Variants in ALOX5 observed in about 807,000 individuals in gnomAD.
ALOX5 encodes the protein arachidonate 5-lipoxygenase.
A neutral mutation model predicts 87.9 loss-of-function variants in ALOX5; 64 were observed. That is an observed-to-expected ratio of 0.73 (90% CI 0.60 to 0.90). The LOEUF (loss-of-function observed/expected upper bound fraction) is 0.90, where lower values mean the gene tolerates loss of function less well. Ranked by LOEUF, ALOX5 falls within the 40% of genes least tolerant of loss-of-function variation. The probability of loss-of-function intolerance (pLI) is 0.00; values close to 1 mark genes in which losing one functional copy is unlikely to be tolerated. For missense variants in ALOX5, 822 were observed against 907.5 expected, an observed-to-expected ratio of 0.91 and a Z score of 1.21; for synonymous variants, 388 against 355.1, an observed-to-expected ratio of 1.09 and a Z score of -1.04.
intron 2 of ALOX5, among the ~76,000 whole-genome samples, chr10:45,392,073 G>A (rs1284565242): frequency 1.7e-4 from 25 of 151,158 alleles, no homozygotes; most frequent in South Asian, 1.0e-3. Flanking sequence ...CGCCCCGTCC[G>A]AGAGGGAGGT....
chr10:45,396,793 T>C (rs1237106681), intron 3 of ALOX5, among the ~76,000 whole-genome samples: 3 of 152,096 alleles, frequency 2.0e-5, no homozygotes, highest in Non-Finnish European at 4.4e-5. Flanking sequence ...CTTAGCAATA[T>C]AGATATAAAC....
chr10:45,376,704 C>G (rs1414104109), intron 1 of ALOX5, among the ~76,000 whole-genome samples: 1 of 152,208 alleles, frequency 6.6e-6, no homozygotes, highest in Non-Finnish European at 1.5e-5. Context: ...CCCCCCTCCT[C>G]CAGGGCATAG....
chr10:45,386,477 A>G (rs1160863761), intron 2 of ALOX5, among the ~76,000 whole-genome samples: 1 of 151,880 alleles, frequency 6.6e-6, no homozygotes, highest in Non-Finnish European at 1.5e-5. Flanking sequence ...TAAAAAAAAT[A>G]AAAATAAAAT....
chr10:45,393,406 A>C (rs1467699648), intron 2 of ALOX5, among the ~76,000 whole-genome samples: 3 of 150,972 alleles, frequency 2.0e-5, no homozygotes, highest in Non-Finnish European at 2.9e-5. Flanking sequence ...TTCAACAACC[A>C]TTCATGCTAA....
intron 2 of ALOX5, among the ~76,000 whole-genome samples, chr10:45,395,056 C>A (rs1840447054): frequency 6.6e-6 from 1 of 152,206 alleles, no homozygotes; most frequent in Non-Finnish European, 1.5e-5. Flanking sequence ...GGCAATTCCT[C>A]AGGGATCTAG....
chr10:45,424,181 G>A (rs201548620), intron 5 of ALOX5, 34 bp downstream of exon 5: 1 of 1,537,072 alleles, frequency 6.5e-7, no homozygotes, highest in African/African-American at 1.4e-5. Context: ...AGTGGTGCTG[G>A]GGACAGGGGA....
intron 4 of ALOX5, among the ~76,000 whole-genome samples, chr10:45,419,552 C>T (rs1841428214): frequency 6.6e-6 from 1 of 152,224 alleles, no homozygotes; most frequent in Non-Finnish European, 1.5e-5. Context: ...CTCCAGACGA[C>T]CCAGCTACAT....
At chr10:45,394,434 C>T (rs139151571) in intron 2 of ALOX5, among the ~76,000 whole-genome samples, 3,407 of 152,286 alleles carry the variant, frequency 0.022, 123 homozygotes, top group African/African-American at 0.078. Flanking sequence ...CCCTTCCTTA[C>T]ACCTTATACA....
Position 45,374,286 on chromosome 10 carries a change from T to G in ALOX5, c.7T>G (p.Ser3Ala). 1 of 1,510,296 alleles carries G rather than the reference T, an allele frequency of 6.6e-7. No homozygotes were observed. Among genetic ancestry groups the G allele is most frequent in the South Asian group, 1.2e-5 (1 of 80,796 alleles). The allele number at this position is 1,510,296 out of a possible 1,614,324, so 93.6% of individuals were successfully genotyped here. MP[S>A]YTVTVATGSQ... ...TGCTCCCGCGGCCCGCGCCATGCCCTCCTACACGGTCACCGTGGCCACTGG... is the reference window on the plus strand; with the variant it reads ...TGCTCCCGCGGCCCGCGCCATGCCCGCCTACACGGTCACCGTGGCCACTGG... Residue 3 changes from serine to alanine, a missense_variant, in exon 1 of 14, where the codon TCC (serine) becomes GCC (alanine). Transcript: ENST00000374391.
chr10:45,391,039 C>G (rs1195887936), intron 2 of ALOX5, among the ~76,000 whole-genome samples: 4 of 109,374 alleles, frequency 3.7e-5, no homozygotes, highest in Admixed American at 2.6e-4. Context: ...TCCCCTCTCC[C>G]ATCTCCCCTC....
At chr10:45,390,871 A>G (rs1251003582) in intron 2 of ALOX5, among the ~76,000 whole-genome samples, 1 of 152,206 alleles carries the variant, frequency 6.6e-6, no homozygotes, top group Admixed American at 6.5e-5. Flanking sequence ...TAGAGACACA[A>G]AAATCCCTTC....
At chr10:45,443,940 C>A (rs1842341323) in intron 12 of ALOX5, 112 bp downstream of exon 12, 2 of 1,444,606 alleles carry the variant, frequency 1.4e-6, no homozygotes, top group African/African-American at 1.4e-5. Context: ...GGGCCTGGCA[C>A]GGGACTTGCA....
chr10:45,445,493 T>C lies in ALOX5; in HGVS notation c.1846-15T>C, dbSNP rs373484460. ...GTGGATTGACCTATGTGTGTGTCCA[T>C]GTCTGGGCCCTCAGCTGTTCCTGGG... is the stretch of plus-strand genomic sequence containing the variant. On this transcript the variant is annotated splice_polypyrimidine_tract_variant and intron_variant, in intron 13 of 13. Transcript: ENST00000374391. The C allele has an allele frequency of 3.8e-5, 62 of 1,610,536 alleles. No homozygotes were observed. Among genetic ancestry groups the C allele is most frequent in the Non-Finnish European group, 4.9e-5 (58 of 1,177,234 alleles).
chr10:45,408,912 GTCGAATGAACACCTTC>G (rs1564428321), intron 3 of ALOX5, among the ~76,000 whole-genome samples: 3 of 152,124 alleles, frequency 2.0e-5, no homozygotes, highest in Non-Finnish European at 4.4e-5. Context: ...ATAATTAGTT[GTCGAATGAACACCTTC>G]TCTCTTCTAG....
intron 2 of ALOX5, among the ~76,000 whole-genome samples, chr10:45,390,375 C>A (rs1470162037): frequency 1.3e-5 from 2 of 152,224 alleles, no homozygotes; most frequent in Non-Finnish European, 2.9e-5. Context: ...CACCCCAAAT[C>A]AACAGAATGT....
intron 2 of ALOX5, among the ~76,000 whole-genome samples, chr10:45,384,063 C>T (rs1393435583): frequency 6.6e-6 from 1 of 152,148 alleles, no homozygotes; most frequent in Non-Finnish European, 1.5e-5. Flanking sequence ...GGTGTGGGCC[C>T]ATGTGCAGAG....
At chr10:45,421,669 T>C (rs7080713) in intron 4 of ALOX5, among the ~76,000 whole-genome samples, 101,466 of 152,180 alleles carry the variant, frequency 0.67, 34,311 homozygotes, top group East Asian at 0.79. Flanking sequence ...GTCGTAGCCA[T>C]GGTGAGACCA....
intron 1 of ALOX5, among the ~76,000 whole-genome samples, chr10:45,379,409 C>T (rs1394278864): frequency 6.6e-6 from 1 of 152,224 alleles, no homozygotes; most frequent in Non-Finnish European, 1.5e-5. Context: ...CTCTGCCTGC[C>T]CCACCAGCAT....
chr10:45,425,698 A>T lies in ALOX5; in HGVS notation c.834+566A>T, dbSNP rs1730759938. ...GGCTGACCTAGTCTTGAGACAGAAG[A>T]AGTTCAAACCAACTCCACCTGGATC... On this transcript the variant is annotated intron_variant, in intron 6 of 13. Coordinates refer to ENST00000374391, the MANE Select transcript of ALOX5 (RefSeq NM_000698.5). This position sits in a 1 kb window ranked among gnomAD's most constrained non-coding sequence, Gnocchi z 4.4. Among the ~76,000 whole-genome samples the T allele has an allele frequency of 1.3e-5, 2 of 152,154 alleles. No individual in the cohort carries two copies. The highest frequency in any genetic ancestry group is 6.5e-5 in the Admixed American group (1 of 15,278).
Sources: allele counts gnomAD v4.1 joint callset (sites outside exome capture counted in the v4.1 genomes callset), GRCh38; gene constraint gnomAD v4.1.1; non-coding constraint Gnocchi (gnomAD v3.1); transcripts MANE v1.5; gene names NCBI Gene and HGNC (gene_info 2026-07-23, HGNC 2026-07-21).